DCAF8L2: variants seen among roughly 807,000 people sequenced by gnomAD.
The protein encoded by DCAF8L2 is DDB1 and CUL4 associated factor 8 like 2.
For synonymous variants in DCAF8L2, 200 were observed against 190.9 expected, an observed-to-expected ratio of 1.05 and a Z score of -0.39; for missense variants, 430 against 490.7, an observed-to-expected ratio of 0.88 and a Z score of 1.17.
the DCAF8L2 span, among the ~76,000 whole-genome samples, chrX:27,543,873 T>C: frequency 1.8e-5 from 2 of 111,105 alleles, no homozygotes; most frequent in African/African-American, 6.6e-5. Flanking sequence ...TTTGGGGTAT[T>C]GTTTTCTGAC....
At chrX:27,637,907 C>T (rs768750764) in intron 2 of DCAF8L2, among the ~76,000 whole-genome samples, 7 of 111,242 alleles carry the variant, frequency 6.3e-5, no homozygotes, top group African/African-American at 1.3e-4. Flanking sequence ...AAACCAGACA[C>T]GATCCTCTCA....
intron 1 of DCAF8L2, among the ~76,000 whole-genome samples, chrX:27,624,591 C>T: frequency 9.0e-6 from 1 of 111,095 alleles, no homozygotes; most frequent in East Asian, 2.8e-4. Context: ...ATCACATTAC[C>T]CAACTTCAAA....
chrX:27,649,057 G>A (rs1033164653), intron 2 of DCAF8L2, among the ~76,000 whole-genome samples: 1 of 111,828 alleles, frequency 8.9e-6, no homozygotes, highest in Non-Finnish European at 1.9e-5. Context: ...TGTGATATTT[G>A]GTTTTTGGTT....
intron 1 of DCAF8L2, among the ~76,000 whole-genome samples, chrX:27,593,084 C>T (rs1232642740): frequency 3.6e-5 from 4 of 111,957 alleles, no homozygotes; most frequent in Non-Finnish European, 7.5e-5. Flanking sequence ...CAGGCATGAG[C>T]CACCGTGCCC....
the DCAF8L2 span, among the ~76,000 whole-genome samples, chrX:27,514,676 AAAAAAAAAAAAAAAAAAAAC>A: frequency 0.016 from 1,116 of 70,856 alleles, 48 homozygotes; most frequent in African/African-American, 0.068. Context: ...CTCAAAAAAA[AAAAAAAAAAAAAAAAAAAAC>A]AAAAAAAAAA....
chrX:27,635,029 G>T (rs1369061762), intron 2 of DCAF8L2, among the ~76,000 whole-genome samples: 1 of 110,176 alleles, frequency 9.1e-6, no homozygotes, highest in Non-Finnish European at 1.9e-5. Context: ...TCTTAGAATA[G>T]TACCTGTTTC....
At chrX:27,636,669 A>T (rs1442235279) in intron 2 of DCAF8L2, among the ~76,000 whole-genome samples, 1 of 111,933 alleles carries the variant, frequency 8.9e-6, no homozygotes, top group Non-Finnish European at 1.9e-5. Flanking sequence ...AATTAAATAG[A>T]GAAGAATTTT....
chrX:27,673,684 T>C (rs943062204), intron 2 of DCAF8L2, among the ~76,000 whole-genome samples: 9 of 108,691 alleles, frequency 8.3e-5, no homozygotes, highest in Non-Finnish European at 1.5e-4. Context: ...TGTGTGTGTA[T>C]ATATACGTGG....
chrX:27,529,819 G>GA, the DCAF8L2 span, among the ~76,000 whole-genome samples: 5 of 111,622 alleles, frequency 4.5e-5, no homozygotes. Flanking sequence ...GTGATACAAA[G>GA]AAACTCCCTT....
the DCAF8L2 span, among the ~76,000 whole-genome samples, chrX:27,569,184 T>A: frequency 9.0e-6 from 1 of 111,240 alleles, no homozygotes. Context: ...TACCAATAGT[T>A]CAAACCATTC....
the DCAF8L2 span, among the ~76,000 whole-genome samples, chrX:27,484,753 G>C: frequency 9.0e-6 from 1 of 111,556 alleles, no homozygotes; most frequent in Non-Finnish European, 1.9e-5. Flanking sequence ...ATATATAAAA[G>C]CAATTCTAAG....
In DCAF8L2 at chrX:27,689,296, T is replaced by C. The variant is rs928139231; in HGVS notation, c.-143+11384T>C. 4.4e-5 allele frequency among the ~76,000 whole-genome samples: 5 copies of C among 112,438 alleles called. No homozygotes were observed. The Admixed American group carries it at 4.7e-4, about 11-fold the overall frequency. ...TCTCGCTCAGTCACTCAGGCTGGAG[T>C]GCAGTGGCATGATCTTGGCTCACTG... On this transcript the variant is annotated intron_variant, in intron 3 of 4. Transcript: ENST00000451261.
the DCAF8L2 span, among the ~76,000 whole-genome samples, chrX:27,555,644 C>A: frequency 2.7e-5 from 3 of 112,080 alleles, no homozygotes; most frequent in Non-Finnish European, 5.6e-5. Context: ...GGATAGAATT[C>A]CTGTAAGGAT....
intron 3 of DCAF8L2, among the ~76,000 whole-genome samples, chrX:27,685,356 T>A (rs1672699577): frequency 9.0e-6 from 1 of 111,617 alleles, no homozygotes; most frequent in Non-Finnish European, 1.9e-5. Flanking sequence ...AAGAAATAAT[T>A]TGTGGGTGAC....
At position 27,748,140 on chromosome X, in the gene DCAF8L2, T is replaced by C. The variant is rs1922366682; in HGVS notation, c.1245T>C (p.His415=). The C allele has an allele frequency of 8.3e-7, 1 of 1,211,900 alleles. No individual in the cohort carries two copies. Residue 415 remains histidine, a synonymous_variant, in exon 5 of 5, where the codon CAT becomes CAC. Transcript: ENST00000451261. The part of the protein sequence containing the change: ...NGVLKKFTPH[H]LVNCDFPTNI... The stretch of plus-strand genomic sequence containing the variant: ...TGCTCAAGAAATTCACTCCTCATCA[T>C]CTGGTTAATTGTGATTTCCCAACAA...
At chrX:27,486,206 A>C in the DCAF8L2 span, among the ~76,000 whole-genome samples, 2 of 109,038 alleles carry the variant, frequency 1.8e-5, no homozygotes, top group Non-Finnish European at 3.8e-5. Context: ...GGGTTTCACC[A>C]TGTTGGCCAG....
At chrX:27,556,913 A>G in the DCAF8L2 span, among the ~76,000 whole-genome samples, 3 of 111,660 alleles carry the variant, frequency 2.7e-5, no homozygotes, top group African/African-American at 6.5e-5. Flanking sequence ...AAACACCAAC[A>G]TTAACTTTAT....
chrX:27,652,175 A>G (rs1221474278), intron 2 of DCAF8L2, among the ~76,000 whole-genome samples: 3 of 111,565 alleles, frequency 2.7e-5, no homozygotes, highest in Non-Finnish European at 5.6e-5. Context: ...AATCTTCTAT[A>G]TGAATAAAAG....
At chrX:27,721,993 G>A (rs1931915017) in intron 4 of DCAF8L2, among the ~76,000 whole-genome samples, 2 of 111,524 alleles carry the variant, frequency 1.8e-5, no homozygotes, top group South Asian at 7.3e-4. Context: ...CTATTCATGA[G>A]TACATAGAAA....
Sources: gnomAD v4.1 joint callset for allele counts (sites outside exome capture counted in the v4.1 genomes callset) on GRCh38, gnomAD v4.1.1 for gene constraint, MANE v1.5 for transcripts, NCBI Gene and HGNC (gene_info 2026-07-23, HGNC 2026-07-21) for gene names.